Variants in BAZ2B observed in about 807,000 individuals in gnomAD.
The protein encoded by BAZ2B is bromodomain adjacent to zinc finger domain 2B.
In BAZ2B, 91 loss-of-function variants were observed where a neutral mutation model predicts 246.0. The observed-to-expected ratio is 0.37, with a 90% CI of 0.31 to 0.44. The LOEUF (loss-of-function observed/expected upper bound fraction) is 0.44. Among genes scored for constraint, BAZ2B ranks in the 20% least tolerant of loss-of-function variants. The probability of loss-of-function intolerance (pLI) is 1.00; values close to 1 mark genes in which losing one functional copy is unlikely to be tolerated. For synonymous variants in BAZ2B, 855 were observed against 860.0 expected, an observed-to-expected ratio of 0.99 and a Z score of 0.10; for missense variants, 2,332 against 2,533.7, an observed-to-expected ratio of 0.92 and a Z score of 1.71.
the BAZ2B span, among the ~76,000 whole-genome samples, chr2:159,681,019 C>A: frequency 6.6e-6 from 1 of 152,080 alleles, no homozygotes; most frequent in African/African-American, 2.4e-5. Context: ...TAGGGAGAGA[C>A]TTCTGAGTAT....
rs1296672503 is a variant in BAZ2B, at chr2:159,438,444, C to T, written c.1152G>A (p.Val384=). The T allele has an allele frequency of 1.9e-6, 3 of 1,614,156 alleles. No individual in the cohort carries two copies. The highest frequency in any genetic ancestry group is 1.7e-6 in the Non-Finnish European group (2 of 1,180,014). ...VIQSTGLVSN[V]KPLSLVNQAK... Reference sequence around the variant, plus strand: ...CTTGATTTACCAAAGATAAAGGTTTCACATTGGACACCAATCCCGTAGACT... The same window carrying T: ...CTTGATTTACCAAAGATAAAGGTTTTACATTGGACACCAATCCCGTAGACT... The change falls in exon 8 of 37, where the codon GTG becomes GTA. Residue 384 remains valine, a synonymous_variant. Coordinates refer to ENST00000392783, the MANE Select transcript of BAZ2B (RefSeq NM_013450.4).
Position 159,433,223 on chromosome 2 carries a change from G to A in BAZ2B, c.1434C>T (p.Asn478=). ...PAHPKQTLEN[N]HPNPFLTNAL... ...CATTTGTCAAGAATGGATTTGGGTG[G>A]TTGTTTTCTAATGTTTGTTTTGGAT... is the stretch of plus-strand genomic sequence containing the variant. Residue 478 remains asparagine (N), a synonymous_variant, in exon 9 of 37, where the codon AAC becomes AAT. Coordinates refer to ENST00000392783, the MANE Select transcript of BAZ2B (RefSeq NM_013450.4). 1 of 1,614,196 alleles carries A rather than the reference G, an allele frequency of 6.2e-7. No homozygotes were observed. The highest frequency in any genetic ancestry group is 1.3e-5 in the African/African-American group (1 of 75,062).
At chr2:159,496,469 AG>A in intron 2 of BAZ2B, among the ~76,000 whole-genome samples, 1 of 147,752 alleles carries the variant, frequency 6.8e-6, no homozygotes, top group African/African-American at 2.5e-5. Context: ...CCTGAGCAAC[AG>A]AGTGAGACTC....
intron 1 of BAZ2B, among the ~76,000 whole-genome samples, chr2:159,605,427 C>T (rs577416655): frequency 6.6e-6 from 1 of 152,182 alleles, no homozygotes; most frequent in Non-Finnish European, 1.5e-5. Flanking sequence ...TAGAAATAAA[C>T]ATGTATTTTT....
intron 2 of BAZ2B, among the ~76,000 whole-genome samples, chr2:159,523,837 A>T (rs1323880493): frequency 1.3e-5 from 2 of 152,166 alleles, no homozygotes; most frequent in African/African-American, 4.8e-5. Flanking sequence ...TTTCTGATAT[A>T]ATAACAACCC....
rs2063002615 is a variant in BAZ2B at position 159,323,493 on chromosome 2, C to T, written c.6353+1318G>A. Among the ~76,000 whole-genome samples the T allele has an allele frequency of 4.6e-5, 7 of 152,048 alleles. 1 individual carries two copies. The South Asian group carries it at 1.5e-3, about 32-fold the overall frequency. Reference sequence around the variant, plus strand: ...AATTTCATTGTGCCATCTACCTAGACAACTATTTTGATAGAACAAACAAAA... The same window carrying T: ...AATTTCATTGTGCCATCTACCTAGATAACTATTTTGATAGAACAAACAAAA... On this transcript the variant is annotated intron_variant, in intron 36 of 36. Transcript: ENST00000392783.
At chr2:159,571,099 C>G (rs1408429758) in intron 1 of BAZ2B, among the ~76,000 whole-genome samples, 2 of 152,166 alleles carry the variant, frequency 1.3e-5, no homozygotes, top group Non-Finnish European at 2.9e-5. Flanking sequence ...AGTGAACCGC[C>G]CGCCTTGGCC....
chr2:159,488,368 C>CACCAAT (rs2080078214), intron 2 of BAZ2B, among the ~76,000 whole-genome samples: 1 of 152,100 alleles, frequency 6.6e-6, no homozygotes, highest in African/African-American at 2.4e-5. Context: ...CTACCGCACC[C>CACCAAT]ACCAATAATT....
the BAZ2B span, chr2:159,693,424 C>CT: frequency 0.39 from 48,647 of 124,402 alleles, 10,585 homozygotes; most frequent in African/African-American, 0.47. Context: ...TAAAAATAAA[C>CT]TTTTTTTTTT....
intron 1 of BAZ2B, among the ~76,000 whole-genome samples, chr2:159,608,036 A>G (rs904052990): frequency 1.3e-5 from 2 of 152,204 alleles, no homozygotes; most frequent in Non-Finnish European, 2.9e-5. Flanking sequence ...TTTTTCAAAC[A>G]ACGTCTAAAT....
chr2:159,596,326 A>C (rs1377351601), intron 1 of BAZ2B, among the ~76,000 whole-genome samples: 1 of 152,200 alleles, frequency 6.6e-6, no homozygotes, highest in African/African-American at 2.4e-5. Flanking sequence ...AATATATTGC[A>C]TTTTAGCAAA....
intron 20 of BAZ2B, 136 bp from the exon 21 acceptor site, chr2:159,389,621 C>T (rs2063086058): frequency 1.3e-6 from 1 of 781,876 alleles, no homozygotes; most frequent in Non-Finnish European, 1.9e-6. Flanking sequence ...AATCTTATGA[C>T]TGTATATATT....
chr2:159,645,250 C>T, the BAZ2B span, among the ~76,000 whole-genome samples: 47,520 of 151,258 alleles, frequency 0.31, 9,385 homozygotes, highest in Admixed American at 0.48. Context: ...CCAGGCTGGG[C>T]GACAGAAAGA....
Position 159,491,720 on chromosome 2 carries a change from C to CAAAAAAAA in BAZ2B, c.-2-13007_-2-13000dup, listed in dbSNP as rs773067675. 4.4e-4 allele frequency among the ~76,000 whole-genome samples: 13 copies of CAAAAAAAA among 29,558 alleles called. 3 individuals are homozygous for CAAAAAAAA. The highest frequency in any genetic ancestry group is 1.3e-3 in the African/African-American group (6 of 4,576). 19.4% of individuals were successfully genotyped at this position (29,558 alleles called of 152,430 possible). A position where few individuals can be genotyped will look rare whatever the true frequency, so the allele number is the denominator to read the frequency against. The stretch of plus-strand genomic sequence containing the variant: ...CGGGCGACAGAGCGAGACTCCGTCT[C>CAAAAAAAA]AAAAAAAAAAAAAAAAAAAAAAAAA... On this transcript the variant is annotated intron_variant, in intron 2 of 36. Coordinates refer to ENST00000392783, the MANE Select transcript of BAZ2B (RefSeq NM_013450.4).
chr2:159,370,217 G>GT lies in BAZ2B; in HGVS notation c.4213+2827dup, dbSNP rs2060675894. Among the ~76,000 whole-genome samples, 5 of 152,182 alleles carry GT rather than the reference G, an allele frequency of 3.3e-5. No individual in the cohort carries two copies. In the South Asian group the frequency reaches 1.0e-3, roughly 32 times the overall value. ...GATAGCATTAGGAGATATACCTAATGTAAATGATGAGTTAATGGGTGCAGC... is the reference window on the plus strand; with the variant it reads ...GATAGCATTAGGAGATATACCTAATGTTAAATGATGAGTTAATGGGTGCAGC... On this transcript the variant is annotated intron_variant, in intron 27 of 36. Transcript: ENST00000392783.
intron 31 of BAZ2B, among the ~76,000 whole-genome samples, chr2:159,340,075 A>T (rs1414849463): frequency 1.3e-5 from 2 of 152,196 alleles, no homozygotes; most frequent in Non-Finnish European, 2.9e-5. Flanking sequence ...GATATAAAAA[A>T]GAACCAAACA....
chr2:159,404,732 GAC>G, intron 16 of BAZ2B, 115 bp downstream of exon 16: 3 of 890,400 alleles, frequency 3.4e-6, no homozygotes, highest in East Asian at 2.8e-5. Context: ...TTCTAAATAA[GAC>G]ACAAATATTA....
In BAZ2B at chr2:159,584,455, T is replaced by C. The variant is rs183026621; in HGVS notation, c.-45-28590A>G. On this transcript the variant is annotated intron_variant, in intron 1 of 36. Transcript: ENST00000392783. ...TTTAAGAGGATCACTTTGGTTGCTA[T>C]GTTGATAATAGACTCTTGGGAGTAG... Among the ~76,000 whole-genome samples, 1,057 of 152,226 alleles carry C rather than the reference T, an allele frequency of 6.9e-3. 4 individuals are homozygous for C. The highest frequency in any genetic ancestry group is 0.011 in the Non-Finnish European group (781 of 68,006).
the BAZ2B span, among the ~76,000 whole-genome samples, chr2:159,639,971 A>T: frequency 6.6e-6 from 1 of 152,142 alleles, no homozygotes; most frequent in East Asian, 1.9e-4. Flanking sequence ...CACTTCACCC[A>T]TAAAGATACA....
Sources: allele counts gnomAD v4.1 joint callset (sites outside exome capture counted in the v4.1 genomes callset), GRCh38; gene constraint gnomAD v4.1.1; transcripts MANE v1.5; gene names NCBI Gene and HGNC (gene_info 2026-07-23, HGNC 2026-07-21).